Variants in ARHGAP24 observed in about 807,000 individuals in gnomAD.
ARHGAP24 encodes rho GTPase-activating protein 24.
In ARHGAP24, 50 loss-of-function variants were observed where a neutral mutation model predicts 76.4. The observed-to-expected ratio is 0.65, with a 90% CI of 0.52 to 0.83. The LOEUF (loss-of-function observed/expected upper bound fraction) is 0.83, where lower values mean the gene tolerates loss of function less well. Among genes scored for constraint, ARHGAP24 ranks in the 40% least tolerant of loss-of-function variants. The pLI is 0.00. For missense variants in ARHGAP24, 930 were observed against 914.2 expected (o/e 1.02, Z -0.22); for synonymous variants, 345 against 323.3 (o/e 1.07, Z -0.72).
intron 3 of ARHGAP24, among the ~76,000 whole-genome samples, chr4:85,767,724 C>T (rs1726984035): frequency 6.6e-6 from 1 of 152,120 alleles, no homozygotes; most frequent in Admixed American, 6.5e-5. Context: ...AGAATATTTT[C>T]TAGCTGATGT....
chr4:85,726,095 G>A (rs1460311917), intron 3 of ARHGAP24, among the ~76,000 whole-genome samples: 3 of 152,092 alleles, frequency 2.0e-5, no homozygotes, highest in Admixed American at 6.6e-5. Context: ...CTCTTTTCTA[G>A]TTTCCCCCTC....
At chr4:85,740,343 C>A (rs946417751) in intron 3 of ARHGAP24, among the ~76,000 whole-genome samples, 1 of 151,746 alleles carries the variant, frequency 6.6e-6, no homozygotes, top group Non-Finnish European at 1.5e-5. Context: ...CTGCCTTAGC[C>A]TCCTGAGTAG....
At chr4:85,933,125 G>C (rs959221986) in intron 4 of ARHGAP24, among the ~76,000 whole-genome samples, 11 of 152,064 alleles carry the variant, frequency 7.2e-5, no homozygotes, top group Non-Finnish European at 1.3e-4. Context: ...GAAGTGGCCT[G>C]GGTTTCTGCG....
chr4:85,475,626 C>A (rs1209249880), intron 1 of ARHGAP24, 67 bp downstream of exon 1: 1 of 137,412 alleles, frequency 7.3e-6, no homozygotes, highest in Non-Finnish European at 1.6e-5. Context: ...GCTGCCTGCG[C>A]CAGGGGAGGG....
At chr4:85,914,584 T>A (rs1735266372) in intron 3 of ARHGAP24, among the ~76,000 whole-genome samples, 1 of 152,234 alleles carries the variant, frequency 6.6e-6, no homozygotes, top group Non-Finnish European at 1.5e-5. Flanking sequence ...AATTTCACAT[T>A]TCTTCCCCTA....
intron 3 of ARHGAP24, among the ~76,000 whole-genome samples, chr4:85,842,852 C>G (rs1730682724): frequency 6.6e-6 from 1 of 152,182 alleles, no homozygotes; most frequent in Non-Finnish European, 1.5e-5. Flanking sequence ...TAAGTTGTCT[C>G]ATTTGATCCT....
At chr4:85,624,227 A>C (rs1158241206) in intron 2 of ARHGAP24, among the ~76,000 whole-genome samples, 1 of 152,284 alleles carries the variant, frequency 6.6e-6, no homozygotes, top group East Asian at 1.9e-4. Context: ...TGGGTTTGTC[A>C]TAGATAGCTC....
At chr4:85,592,963 T>C (rs1207278984) in intron 2 of ARHGAP24, among the ~76,000 whole-genome samples, 3 of 152,110 alleles carry the variant, frequency 2.0e-5, no homozygotes, top group African/African-American at 7.2e-5. Context: ...GATATCTCTT[T>C]GTATACCTAG....
intron 3 of ARHGAP24, among the ~76,000 whole-genome samples, chr4:85,840,129 T>C (rs1233901401): frequency 6.7e-6 from 1 of 149,950 alleles, no homozygotes; most frequent in East Asian, 2.0e-4. Flanking sequence ...CCTCCCAAAG[T>C]ACTGGGATTA....
chr4:85,691,667 C>T (rs1166128948), intron 2 of ARHGAP24, among the ~76,000 whole-genome samples: 1 of 151,906 alleles, frequency 6.6e-6, no homozygotes, highest in Non-Finnish European at 1.5e-5. Flanking sequence ...GACCCTTGCT[C>T]TTTTTGTTTT....
At chr4:85,824,877 G>T (rs1428015852) in intron 3 of ARHGAP24, among the ~76,000 whole-genome samples, 4 of 152,102 alleles carry the variant, frequency 2.6e-5, no homozygotes, top group Non-Finnish European at 5.9e-5. Flanking sequence ...ATCACCTCAG[G>T]TCAGGAGTTC....
chr4:85,590,244 C>G (rs1186168136), intron 2 of ARHGAP24, among the ~76,000 whole-genome samples: 2 of 148,058 alleles, frequency 1.4e-5, no homozygotes, highest in African/African-American at 5.1e-5. Flanking sequence ...CTTCCTTCCT[C>G]CCACCTCCCT....
At chr4:85,836,938 A>AC in intron 3 of ARHGAP24, among the ~76,000 whole-genome samples, 1 of 152,164 alleles carries the variant, frequency 6.6e-6, no homozygotes, top group Non-Finnish European at 1.5e-5. Flanking sequence ...AGCTGTTCCA[A>AC]CTCACAGAGT....
At chr4:85,986,738 T>C (rs1740027263) in intron 8 of ARHGAP24, among the ~76,000 whole-genome samples, 1 of 152,060 alleles carries the variant, frequency 6.6e-6, no homozygotes, top group Non-Finnish European at 1.5e-5. Flanking sequence ...TTGAGGGAAT[T>C]TACCAGAGAT....
At chr4:85,902,884 G>A (rs147297751) in intron 3 of ARHGAP24, among the ~76,000 whole-genome samples, 1,554 of 152,308 alleles carry the variant, frequency 0.01, 19 homozygotes, top group African/African-American at 0.035. Context: ...GATTACTGGC[G>A]TGAGCCACTG....
intron 3 of ARHGAP24, among the ~76,000 whole-genome samples, chr4:85,843,668 GT>G (rs1730722207): frequency 6.6e-6 from 1 of 151,942 alleles, no homozygotes; most frequent in African/African-American, 2.4e-5. Context: ...TCTTTAAAAT[GT>G]TTTACCATGG....
intron 1 of ARHGAP24, among the ~76,000 whole-genome samples, chr4:85,483,507 G>A (rs1050055483): frequency 5.1e-4 from 78 of 152,218 alleles, no homozygotes; most frequent in African/African-American, 1.8e-3. Context: ...AGCTACTCAG[G>A]AGTCTGAGGC....
intron 3 of ARHGAP24, among the ~76,000 whole-genome samples, chr4:85,847,394 TG>T (rs1482940099): frequency 3.9e-5 from 6 of 152,180 alleles, no homozygotes; most frequent in African/African-American, 1.4e-4. Flanking sequence ...TATTTAATAA[TG>T]GTATAATATA....
At chr4:85,580,488 C>CTAT (rs1727562869) in intron 2 of ARHGAP24, among the ~76,000 whole-genome samples, 1 of 152,058 alleles carries the variant, frequency 6.6e-6, no homozygotes, top group Non-Finnish European at 1.5e-5. Context: ...ACCTGGGGAC[C>CTAT]CACTTTTCAT....
Sources: gnomAD v4.1 joint callset for allele counts (sites outside exome capture counted in the v4.1 genomes callset) on GRCh38, gnomAD v4.1.1 for gene constraint, MANE v1.5 for transcripts, NCBI Gene and HGNC (gene_info 2026-07-23, HGNC 2026-07-21) for gene names.